GALNT10: variants seen among roughly 807,000 people sequenced by gnomAD.
GALNT10 encodes the protein GalNAc transferase 10.
Under a neutral mutation model 75.0 loss-of-function variants are expected in GALNT10, and 41 were observed. The ratio of observed to expected loss-of-function variants is 0.55; its 90% CI spans 0.43 to 0.71. The LOEUF is 0.71. GALNT10 is among the 30% of genes least tolerant of loss of function. GALNT10 has a pLI of 0.00. For synonymous variants in GALNT10, 302 were observed against 313.0 expected (o/e 0.96, Z 0.37); for missense variants, 727 against 818.5 (o/e 0.89, Z 1.36).
At position 154,380,533 on chromosome 5, in the gene GALNT10, A is replaced by G; in HGVS notation, c.840A>G (p.Ala280=). Residue 280 remains alanine, a synonymous_variant, in exon 6 of 12, where the codon GCA becomes GCG. Transcript: ENST00000297107. Reference sequence around the variant, plus strand: ...ACGACTTTCGGTACGAGACACAGGCAGGGGATGCCATGCGGGGAGCCTTTG... The same window carrying G: ...ACGACTTTCGGTACGAGACACAGGCGGGGGATGCCATGCGGGGAGCCTTTG... ...DHDDFRYETQ[A]GDAMRGAFDW... is the part of the protein sequence containing the mutation. 1.2e-6 allele frequency: 2 copies of G among 1,613,910 alleles called. No homozygotes were observed. The highest frequency in any genetic ancestry group is 1.1e-5 in the South Asian group (1 of 91,078).
chr5:154,404,374 C>A (rs921855099), intron 8 of GALNT10, among the ~76,000 whole-genome samples, 163 bp downstream of exon 8: 3 of 152,146 alleles, frequency 2.0e-5, no homozygotes, highest in African/African-American at 7.2e-5. Context: ...CCCTTAAATC[C>A]CTACTTAACC....
chr5:154,263,078 A>G (rs1342896652), intron 1 of GALNT10, among the ~76,000 whole-genome samples: 1 of 152,220 alleles, frequency 6.6e-6, no homozygotes, highest in Admixed American at 6.5e-5. Context: ...CACTTTGGAA[A>G]ACAGTCTGGC....
At chr5:154,354,404 A>T (rs1375500997) in intron 4 of GALNT10, among the ~76,000 whole-genome samples, 1 of 152,200 alleles carries the variant, frequency 6.6e-6, no homozygotes, top group Non-Finnish European at 1.5e-5. Flanking sequence ...CCCAGCAGGT[A>T]TGCTCTTGCA....
chr5:154,380,306 T>C, intron 5 of GALNT10, 142 bp from the exon 6 acceptor site: 1 of 686,870 alleles, frequency 1.5e-6, no homozygotes, highest in South Asian at 1.8e-5. Context: ...TGCTTAAAGC[T>C]TGCAGTCTCC....
At chr5:154,240,279 G>A (rs956430074) in intron 1 of GALNT10, among the ~76,000 whole-genome samples, 2 of 152,158 alleles carry the variant, frequency 1.3e-5, no homozygotes, top group African/African-American at 4.8e-5. Context: ...CTCAGTCCTA[G>A]TGTCCTCACC....
At chr5:154,243,172 A>G (rs1209388970) in intron 1 of GALNT10, among the ~76,000 whole-genome samples, 1 of 152,202 alleles carries the variant, frequency 6.6e-6, no homozygotes, top group Admixed American at 6.5e-5. Context: ...AACTTATCTT[A>G]TCTCAAATAA....
At chr5:154,220,074 A>G (rs1282006533) in intron 1 of GALNT10, 1 of 152,182 alleles carries the variant, frequency 6.6e-6, no homozygotes, top group African/African-American at 2.4e-5. Context: ...CTTAGCCTCC[A>G]AGTATGGGCT....
intron 1 of GALNT10, among the ~76,000 whole-genome samples, chr5:154,202,987 A>G (rs1350553758): frequency 6.6e-6 from 1 of 152,234 alleles, no homozygotes; most frequent in Non-Finnish European, 1.5e-5. Flanking sequence ...CTGCCAGGGA[A>G]CAATGGGGCA....
intron 1 of GALNT10, among the ~76,000 whole-genome samples, chr5:154,225,392 C>CTT (rs78087904): frequency 1.5e-5 from 2 of 137,680 alleles, no homozygotes; most frequent in Admixed American, 7.3e-5. Context: ...TGCGCCCGGC[C>CTT]TTTTTTTTTT....
chr5:154,303,735 A>G (rs1363554155), intron 3 of GALNT10, among the ~76,000 whole-genome samples: 1 of 152,210 alleles, frequency 6.6e-6, no homozygotes, highest in Non-Finnish European at 1.5e-5. Flanking sequence ...CCAAATATAT[A>G]ATGCACCCAG....
At chr5:154,384,839 CCT>C in intron 6 of GALNT10, among the ~76,000 whole-genome samples, 1 of 152,300 alleles carries the variant, frequency 6.6e-6, no homozygotes. Context: ...GAGCAAGTTC[CCT>C]GTCTGCACTC....
intron 1 of GALNT10, among the ~76,000 whole-genome samples, chr5:154,282,481 T>C (rs1754054175): frequency 6.6e-6 from 1 of 152,208 alleles, no homozygotes; most frequent in Non-Finnish European, 1.5e-5. Context: ...CTAAAATTCT[T>C]ATTACTGTGG....
chr5:154,228,454 G>A (rs1023047813), intron 1 of GALNT10, among the ~76,000 whole-genome samples: 22 of 152,116 alleles, frequency 1.4e-4, no homozygotes, highest in Admixed American at 2.0e-4. Context: ...AGGTAAAGGC[G>A]GGCTCCTCCA....
intron 1 of GALNT10, among the ~76,000 whole-genome samples, chr5:154,257,690 A>G (rs766756029): frequency 1.1e-3 from 163 of 151,976 alleles, no homozygotes; most frequent in Non-Finnish European, 1.4e-3. Context: ...AAAAAAAGAG[A>G]AAAGGAAAGG....
At chr5:154,262,663 G>A (rs1753716282) in intron 1 of GALNT10, among the ~76,000 whole-genome samples, 2 of 152,132 alleles carry the variant, frequency 1.3e-5, no homozygotes, top group African/African-American at 4.8e-5. Flanking sequence ...CATTTACCAG[G>A]TAAGAGCCAC....
In GALNT10 at chr5:154,376,343, A is replaced by C; in HGVS notation, c.635A>C (p.Lys212Thr). 1 of 1,612,172 alleles carries C rather than the reference A, an allele frequency of 6.2e-7. No individual in the cohort carries two copies. The highest frequency in any genetic ancestry group is 8.5e-7 in the Non-Finnish European group (1 of 1,179,098). ...LFPSVRILRTKKREGLIRTRM... is the reference protein window; with the variant it reads ...LFPSVRILRTTKREGLIRTRM... ...CCCAGTGTGAGGATTCTTCGAACCA[A>C]GAAACGGGAAGGGCTGATAAGGACC... Residue 212 changes from lysine (K) to threonine (T), a missense_variant, in exon 5 of 12, where the codon AAG (lysine) becomes ACG (threonine). Transcript: ENST00000297107. The surrounding 1 kb of genome is among the most constrained non-coding windows in gnomAD (Gnocchi z 4.1).
At chr5:154,240,370 T>G (rs1753313235) in intron 1 of GALNT10, among the ~76,000 whole-genome samples, 2 of 152,206 alleles carry the variant, frequency 1.3e-5, no homozygotes, top group African/African-American at 4.8e-5. Context: ...GCACTTAGTA[T>G]ATAGTAGACC....
chr5:154,368,541 T>C (rs539237047), intron 4 of GALNT10, among the ~76,000 whole-genome samples: 1 of 152,272 alleles, frequency 6.6e-6, no homozygotes, highest in East Asian at 1.9e-4. Flanking sequence ...ATGCCTGAAA[T>C]TGTCTTACAA....
At chr5:154,391,054 G>T (rs1755888712) in intron 7 of GALNT10, among the ~76,000 whole-genome samples, 1 of 152,222 alleles carries the variant, frequency 6.6e-6, no homozygotes, top group African/African-American at 2.4e-5. Context: ...TCCTGGCTTG[G>T]AAAAGGAGAG....
Sources: gnomAD v4.1 joint callset for allele counts (sites outside exome capture counted in the v4.1 genomes callset) on GRCh38, gnomAD v4.1.1 for gene constraint, Gnocchi (gnomAD v3.1) non-coding constraint, MANE v1.5 for transcripts, NCBI Gene and HGNC (gene_info 2026-07-23, HGNC 2026-07-21) for gene names.